The following VGLL1 variants were observed in gnomAD, a reference collection of about 807,000 sequenced individuals.
VGLL1 encodes the protein transcription cofactor vestigial-like protein 1.
A neutral mutation model predicts 12.0 loss-of-function variants in VGLL1; 4 were observed. That is an observed-to-expected ratio of 0.33 (90% CI 0.16 to 0.76). The LOEUF is 0.76. Ranked by LOEUF, VGLL1 falls within the 30% of genes least tolerant of loss-of-function variation. VGLL1 has a pLI of 0.60. For missense variants in VGLL1, 204 were observed against 208.7 expected (o/e 0.98, Z 0.14); for synonymous variants, 87 against 81.2 (o/e 1.07, Z -0.39).
At chrX:136,535,463 T>C (rs948588238) in intron 1 of VGLL1, among the ~76,000 whole-genome samples, 42 of 111,884 alleles carry the variant, frequency 3.8e-4, no homozygotes, top group African/African-American at 1.3e-3. Flanking sequence ...CAGTCTTACA[T>C]AGATTAAGGC....
intron 1 of VGLL1, among the ~76,000 whole-genome samples, chrX:136,533,449 A>G (rs780241117): frequency 9.8e-5 from 11 of 111,708 alleles, no homozygotes; most frequent in African/African-American, 3.3e-4. Context: ...CACTAGGCAC[A>G]TGCTTCAGGG....
chrX:136,549,506 G>A (rs1434282132), intron 3 of VGLL1, among the ~76,000 whole-genome samples: 1 of 110,711 alleles, frequency 9.0e-6, no homozygotes, highest in Non-Finnish European at 1.9e-5. Context: ...ACTGTAGGAG[G>A]CAGCCCCATT....
intron 4 of VGLL1, 174 bp downstream of exon 4, chrX:136,550,995 ATTTTAGCCTC>A: frequency 2.3e-6 from 1 of 443,325 alleles, no homozygotes; most frequent in Middle Eastern, 5.9e-4. Flanking sequence ...AATTTGTTTC[ATTTTAGCCTC>A]AAAAAAGAGT....
At chrX:136,540,658 C>T (rs765428272) in intron 2 of VGLL1, among the ~76,000 whole-genome samples, 2 of 112,136 alleles carry the variant, frequency 1.8e-5, no homozygotes, top group South Asian at 7.5e-4. Context: ...CTCTGAGCTC[C>T]GTGGCAGTAG....
At chrX:136,532,629 CTTTCT>C (rs1569359195) in intron 1 of VGLL1, among the ~76,000 whole-genome samples, 1 of 94,174 alleles carries the variant, frequency 1.1e-5, no homozygotes, top group African/African-American at 3.9e-5. Context: ...TTCTTTCTTT[CTTTCT>C]TTCTTTCTTT....
At chrX:136,537,411 A>C (rs1360872460) in intron 2 of VGLL1, among the ~76,000 whole-genome samples, 1 of 111,783 alleles carries the variant, frequency 8.9e-6, no homozygotes, top group Non-Finnish European at 1.9e-5. Flanking sequence ...GAAAAAGAAA[A>C]AAAGAAGTTT....
chrX:136,533,475 G>A (rs751587499), intron 1 of VGLL1, among the ~76,000 whole-genome samples: 1 of 111,306 alleles, frequency 9.0e-6, no homozygotes, highest in African/African-American at 3.3e-5. Flanking sequence ...ATGTCCTCAG[G>A]GTCCTACCAG....
chrX:136,534,328 C>T (rs1010573624), intron 1 of VGLL1, among the ~76,000 whole-genome samples: 3 of 112,449 alleles, frequency 2.7e-5, no homozygotes, highest in African/African-American at 9.7e-5. Context: ...AATCTCTACC[C>T]TACAGGCAAC....
In VGLL1 at chrX:136,547,225, C is replaced by T. The variant is rs1462708471; in HGVS notation, c.215-1364C>T. 3.6e-5 allele frequency among the ~76,000 whole-genome samples: 4 copies of T among 112,458 alleles called. No individual in the cohort carries two copies. The Admixed American group carries it at 3.7e-4, about 11-fold the overall frequency. On this transcript the variant is annotated intron_variant, in intron 2 of 4. Coordinates refer to ENST00000370634, the MANE Select transcript of VGLL1 (RefSeq NM_016267.4). ...ATTATCTTGGATAGATGATAGGCTC[C>T]AGGCTTTAAGAACTGTGTGGAAGAA...
chrX:136,550,816 A>G lies in VGLL1; in HGVS notation c.683A>G (p.Asn228Ser). ...GGATCTGCCAGTACCAGCCTTCCAA[A>G]TGAAAGTAGGTATCTGGGCCAGCCT... ...SRGSASTSLPNETLSELETPG... is the reference protein window; with the variant it reads ...SRGSASTSLPSETLSELETPG... The change falls in exon 4 of 5, where the codon AAT becomes AGT. Residue 228 changes from asparagine (N) to serine (S), a missense_variant. By Grantham distance (46) the Asn-to-Ser change is conservative (BLOSUM62 1). Coordinates refer to ENST00000370634, the MANE Select transcript of VGLL1 (RefSeq NM_016267.4). 1 of 1,207,097 alleles carries G rather than the reference A, an allele frequency of 8.3e-7. No homozygotes were observed. Among genetic ancestry groups the G allele is most frequent in the South Asian group, 1.8e-5 (1 of 56,630 alleles).
intron 2 of VGLL1, among the ~76,000 whole-genome samples, chrX:136,543,552 T>C (rs2075861935): frequency 9.0e-6 from 1 of 111,042 alleles, no homozygotes; most frequent in African/African-American, 3.3e-5. Context: ...GGGCCAGGCA[T>C]TCAAAACCAG....
intron 2 of VGLL1, among the ~76,000 whole-genome samples, chrX:136,544,548 G>A (rs1019958765): frequency 8.9e-6 from 1 of 112,376 alleles, no homozygotes; most frequent in Non-Finnish European, 1.9e-5. Flanking sequence ...CTTGCTAGCC[G>A]TGTGTCCTTA....
intron 2 of VGLL1, 78 bp from the exon 3 acceptor site, chrX:136,548,511 G>A: frequency 2.0e-6 from 2 of 987,201 alleles, no homozygotes; most frequent in South Asian, 4.7e-5. Flanking sequence ...AAAAAATAGA[G>A]TATGTATTAA....
intron 2 of VGLL1, among the ~76,000 whole-genome samples, chrX:136,547,374 A>G (rs1311196943): frequency 1.8e-5 from 2 of 112,234 alleles, no homozygotes; most frequent in Non-Finnish European, 3.8e-5. Flanking sequence ...CACAATAAGA[A>G]TAGTGTCTAT....
At chrX:136,539,768 G>T (rs1007562537) in intron 2 of VGLL1, among the ~76,000 whole-genome samples, 2 of 111,531 alleles carry the variant, frequency 1.8e-5, no homozygotes, top group African/African-American at 6.5e-5. Flanking sequence ...GATTTCAGAC[G>T]TGCCTGTCTA....
At chrX:136,548,519 T>A in intron 2 of VGLL1, 70 bp from the exon 3 acceptor site, 2 of 935,906 alleles carry the variant, frequency 2.1e-6, no homozygotes, top group Non-Finnish European at 2.9e-6. Context: ...GAGTATGTAT[T>A]AAAAAAAAAA....
intron 4 of VGLL1, among the ~76,000 whole-genome samples, chrX:136,554,504 A>G (rs1182935953): frequency 9.0e-6 from 1 of 111,554 alleles, no homozygotes; most frequent in Non-Finnish European, 1.9e-5. Flanking sequence ...TTGGGAGTTG[A>G]GATTTCATAT....
At chrX:136,543,345 A>T (rs1204746846) in intron 2 of VGLL1, among the ~76,000 whole-genome samples, 2 of 111,629 alleles carry the variant, frequency 1.8e-5, no homozygotes, top group African/African-American at 6.5e-5. Flanking sequence ...TTGGGGGTGA[A>T]TGGATGAAGT....
At chrX:136,539,549 T>G in intron 2 of VGLL1, among the ~76,000 whole-genome samples, 1 of 111,573 alleles carries the variant, frequency 9.0e-6, no homozygotes, top group Non-Finnish European at 1.9e-5. Context: ...CATAACATTA[T>G]GCTTTCTTGG....
Sources: gnomAD v4.1 joint callset for allele counts (sites outside exome capture counted in the v4.1 genomes callset) on GRCh38, gnomAD v4.1.1 for gene constraint, MANE v1.5 for transcripts, NCBI Gene and HGNC (gene_info 2026-07-23, HGNC 2026-07-21) for gene names.